Variants in TENM2 observed in about 807,000 individuals in gnomAD.
TENM2 encodes the protein teneurin transmembrane protein 2.
A neutral mutation model predicts 245.2 loss-of-function variants in TENM2; 52 were observed. The observed-to-expected ratio is 0.21, with a 90% CI of 0.17 to 0.27. TENM2 has a LOEUF of 0.27. Ranked by LOEUF, TENM2 falls within the 10% of genes least tolerant of loss-of-function variation. TENM2 has a pLI of 1.00. For synonymous variants in TENM2, 1,363 were observed against 1,438.9 expected (o/e 0.95, Z 1.19); for missense variants, 3,046 against 3,666.8 (o/e 0.83, Z 4.37).
chr5:167,502,099 G>A (rs1769248311), intron 2 of TENM2, among the ~76,000 whole-genome samples: 1 of 151,954 alleles, frequency 6.6e-6, no homozygotes, highest in African/African-American at 2.4e-5. Context: ...ATTTTGACAT[G>A]AACTCTGACC....
chr5:168,190,357 G>C, exon 14 of TENM2: 1 of 1,613,624 alleles, frequency 6.2e-7, no homozygotes. Context: ...GGATTGTTTG[G>C]ACCCTGACTG....
At position 167,677,055 on chromosome 5, in the gene TENM2, A is replaced by C. The variant is rs144806143; in HGVS notation, c.503-198931A>C. 2.2e-3 allele frequency among the ~76,000 whole-genome samples: 337 copies of C among 152,250 alleles called. 2 individuals are homozygous for C. The highest frequency in any genetic ancestry group is 4.1e-3 in the Non-Finnish European group (277 of 68,002). ...TTTCCCTCTGCGCTCCATGCAGACT[A>C]TTCCATCTGCCTTTCCACATGTGGA... On this transcript the variant is annotated intron_variant, in intron 2 of 28. Coordinates refer to ENST00000518659, the Ensembl canonical transcript of TENM2.
chr5:167,616,887 C>G (rs1377616775), intron 2 of TENM2, among the ~76,000 whole-genome samples: 1 of 152,086 alleles, frequency 6.6e-6, no homozygotes, highest in Non-Finnish European at 1.5e-5. Flanking sequence ...GTGTCTCTTA[C>G]ATCTGACTTA....
At chr5:167,055,349 G>C in the TENM2 span, among the ~76,000 whole-genome samples, 1 of 152,060 alleles carries the variant, frequency 6.6e-6, no homozygotes, top group Non-Finnish European at 1.5e-5. Flanking sequence ...TCAATTGACT[G>C]TATGTACATG....
At chr5:167,839,551 G>A (rs1769296139) in intron 2 of TENM2, among the ~76,000 whole-genome samples, 1 of 151,732 alleles carries the variant, frequency 6.6e-6, no homozygotes, top group African/African-American at 2.4e-5. Flanking sequence ...AGTGTGAGGT[G>A]TCTGTGTGTG....
chr5:168,250,984 C>T (rs1767061877), intron 27 of TENM2, among the ~76,000 whole-genome samples: 1 of 152,126 alleles, frequency 6.6e-6, no homozygotes, highest in Non-Finnish European at 1.5e-5. Flanking sequence ...CCTTTCTGAG[C>T]AGGTAGTGTT....
At chr5:167,346,122 A>G (rs1185112087) in intron 1 of TENM2, among the ~76,000 whole-genome samples, 3 of 152,222 alleles carry the variant, frequency 2.0e-5, no homozygotes, top group Non-Finnish European at 4.4e-5. Flanking sequence ...TCATTTGAGA[A>G]CAAAGTATTT....
intron 2 of TENM2, among the ~76,000 whole-genome samples, chr5:167,454,784 C>T (rs186032517): frequency 5.6e-4 from 86 of 152,308 alleles, no homozygotes; most frequent in African/African-American, 1.9e-3. Context: ...AGTCCAGGGA[C>T]TCCTACGGGC....
intron 6 of TENM2, among the ~76,000 whole-genome samples, chr5:168,060,260 T>G (rs1450924534): frequency 6.6e-6 from 1 of 151,724 alleles, no homozygotes; most frequent in Non-Finnish European, 1.5e-5. Flanking sequence ...GAAAAAAACT[T>G]TAAGCAGACA....
At chr5:167,230,382 C>G in the TENM2 span, among the ~76,000 whole-genome samples, 1 of 152,262 alleles carries the variant, frequency 6.6e-6, no homozygotes, top group Admixed American at 6.5e-5. Flanking sequence ...CCTCTCCTTC[C>G]TTGTTTTAGG....
exon 29 of TENM2, chr5:168,262,164 G>T (rs1215509035): frequency 6.2e-7 from 1 of 1,613,332 alleles, no homozygotes; most frequent in African/African-American, 1.3e-5. Context: ...GCAGGTCACT[G>T]GTTTGCCACC....
chr5:167,501,507 A>G lies in TENM2; in HGVS notation c.502+126034A>G, dbSNP rs28685712. Reference sequence around the variant, plus strand: ...TAATGTTGGCAGAGATGCATTCACAATGTTGCCTCAATCTACATCTTATTA... The same window carrying G: ...TAATGTTGGCAGAGATGCATTCACAGTGTTGCCTCAATCTACATCTTATTA... On this transcript the variant is annotated intron_variant, in intron 2 of 28. Transcript: ENST00000518659. 4.8e-3 allele frequency among the ~76,000 whole-genome samples: 729 copies of G among 152,240 alleles called. 4 individuals are homozygous for G. The highest frequency in any genetic ancestry group is 0.016 in the African/African-American group (675 of 41,560).
chr5:167,318,209 A>G (rs1475223685), intron 1 of TENM2, among the ~76,000 whole-genome samples: 3 of 152,212 alleles, frequency 2.0e-5, no homozygotes, highest in Non-Finnish European at 4.4e-5. Context: ...CCAATGTGTC[A>G]GTAAAGCCAT....
chr5:167,347,487 AC>A (rs1335628779), intron 1 of TENM2, among the ~76,000 whole-genome samples: 2 of 152,310 alleles, frequency 1.3e-5, no homozygotes, highest in African/African-American at 4.8e-5. Context: ...CAGATTTATT[AC>A]CAAGGAAATG....
intron 2 of TENM2, among the ~76,000 whole-genome samples, chr5:167,870,569 A>ATATATGTG (rs372917707): frequency 3.2e-4 from 45 of 142,430 alleles, no homozygotes; most frequent in Non-Finnish European, 4.8e-4. Context: ...ATATATATAT[A>ATATATGTG]TGTGTGTGTA....
At chr5:167,155,202 C>T in the TENM2 span, among the ~76,000 whole-genome samples, 11 of 152,302 alleles carry the variant, frequency 7.2e-5, no homozygotes, top group African/African-American at 2.6e-4. Context: ...AAAGAGTTCA[C>T]GTATTCGGCA....
intron 9 of TENM2, among the ~76,000 whole-genome samples, chr5:168,105,080 A>G (rs1211603868): frequency 6.6e-6 from 1 of 152,174 alleles, no homozygotes; most frequent in Non-Finnish European, 1.5e-5. Flanking sequence ...TCCAAAGGAG[A>G]AAATAAGGAA....
the TENM2 span, among the ~76,000 whole-genome samples, chr5:167,094,559 T>C: frequency 1.4e-4 from 21 of 152,334 alleles, no homozygotes; most frequent in Admixed American, 1.2e-3. Context: ...ACTTGATGTC[T>C]AAATCTATCA....
intron 2 of TENM2, among the ~76,000 whole-genome samples, chr5:167,552,267 G>C (rs559921233): frequency 6.6e-6 from 1 of 152,228 alleles, no homozygotes; most frequent in Admixed American, 6.5e-5. Context: ...AATATACTCA[G>C]GTGCACGTTA....
Sources: gnomAD v4.1 joint callset for allele counts (sites outside exome capture counted in the v4.1 genomes callset) on GRCh38, gnomAD v4.1.1 for gene constraint, MANE v1.5 for transcripts, NCBI Gene and HGNC (gene_info 2026-07-23, HGNC 2026-07-21) for gene names.